The following ST3GAL4 variants were observed in gnomAD, a reference collection of about 807,000 sequenced individuals.
The protein encoded by ST3GAL4 is CMP-N-acetylneuraminate-beta-galactosamide-alpha-2,3-sialyltransferase 4.
Under a neutral mutation model 42.6 loss-of-function variants are expected in ST3GAL4, and 24 were observed. That is an observed-to-expected ratio of 0.56 (90% CI 0.41 to 0.79). The LOEUF is 0.79. ST3GAL4 is among the 30% of genes least tolerant of loss of function. ST3GAL4 has a pLI of 0.00. For missense variants in ST3GAL4, 311 were observed against 430.8 expected (o/e 0.72, Z 2.46); for synonymous variants, 135 against 163.2 (o/e 0.83, Z 1.32).
chr11:126,356,110 T>C (rs1296088969), intron 1 of ST3GAL4: 1 of 152,244 alleles, frequency 6.6e-6, no homozygotes, highest in African/African-American at 2.4e-5. Flanking sequence ...GCGGAAAGTT[T>C]CCGCCCCCAA....
chr11:126,361,857 A>C (rs552328090), intron 1 of ST3GAL4, among the ~76,000 whole-genome samples: 2 of 149,064 alleles, frequency 1.3e-5, no homozygotes, highest in Non-Finnish European at 3.0e-5. Flanking sequence ...TGTAGCCTCC[A>C]TTTCCTTCTC....
At position 126,393,487 on chromosome 11, in the gene ST3GAL4, G is replaced by A. The variant is rs551330672; in HGVS notation, c.-60-12609G>A. ...GGCTCAGGAGGAGGGGGATGGGGAC[G>A]GGGAGAGTGAGGTCTTTTTGACTTT... On this transcript the variant is annotated intron_variant, in intron 1 of 10. Coordinates refer to ENST00000444328, the MANE Select transcript of ST3GAL4 (RefSeq NM_001254757.2). This position sits in a 1 kb window ranked among gnomAD's most constrained non-coding sequence, Gnocchi z 5.9. 4.3e-4 allele frequency among the ~76,000 whole-genome samples: 66 copies of A among 152,306 alleles called. No homozygotes were observed. Among genetic ancestry groups the A allele is most frequent in the Non-Finnish European group, 8.1e-4 (55 of 68,022 alleles).
At chr11:126,357,735 T>A (rs1952117265) in intron 1 of ST3GAL4, among the ~76,000 whole-genome samples, 1 of 152,244 alleles carries the variant, frequency 6.6e-6, no homozygotes, top group Admixed American at 6.5e-5. Context: ...GCTGTCATTC[T>A]GTCCTAACTC....
chr11:126,399,976 T>TTTA (rs1953935007), intron 1 of ST3GAL4, among the ~76,000 whole-genome samples: 1 of 152,150 alleles, frequency 6.6e-6, no homozygotes, highest in Admixed American at 6.5e-5. Flanking sequence ...CTAATCCCGC[T>TTTA]TTATTGCCTG....
rs1402537228 is a variant in ST3GAL4 at position 126,386,854 on chromosome 11, A to G, written c.-60-19242A>G. 1.3e-5 allele frequency among the ~76,000 whole-genome samples: 2 copies of G among 152,106 alleles called. No homozygotes were observed. Among genetic ancestry groups the G allele is most frequent in the African/African-American group, 4.8e-5 (2 of 41,394 alleles). On this transcript the variant is annotated intron_variant, in intron 1 of 10. Coordinates refer to ENST00000444328, the MANE Select transcript of ST3GAL4 (RefSeq NM_001254757.2). This position sits in a 1 kb window ranked among gnomAD's most constrained non-coding sequence, Gnocchi z 4.7. Reference sequence around the variant, plus strand: ...AGCTGCTCTGAATGGTGTTGCTGCTAATCTCTACAGCACTTTCCTGTAAAT... The same window carrying G: ...AGCTGCTCTGAATGGTGTTGCTGCTGATCTCTACAGCACTTTCCTGTAAAT...
Position 126,386,627 on chromosome 11 carries a change from G to A in ST3GAL4, c.-60-19469G>A, listed in dbSNP as rs1953236483. Among the ~76,000 whole-genome samples the A allele has an allele frequency of 6.6e-6, 1 of 152,124 alleles. No homozygotes were observed. On this transcript the variant is annotated intron_variant, in intron 1 of 10. Transcript: ENST00000444328. This position sits in a 1 kb window ranked among gnomAD's most constrained non-coding sequence, Gnocchi z 4.7. ...AAGTGGGTACAGCTGGACAAAAGGT[G>A]GCTGGAGCCAGCTCTGCAGAAGCCA...
intron 1 of ST3GAL4, among the ~76,000 whole-genome samples, chr11:126,399,621 A>G (rs1953922830): frequency 6.6e-6 from 1 of 151,990 alleles, no homozygotes; most frequent in Non-Finnish European, 1.5e-5. Flanking sequence ...TTTTATTTAT[A>G]AGTTTCATCT....
chr11:126,368,720 A>T (rs540502674), intron 1 of ST3GAL4, among the ~76,000 whole-genome samples: 200 of 152,334 alleles, frequency 1.3e-3, no homozygotes, highest in African/African-American at 4.6e-3. Flanking sequence ...GGGAAATGGC[A>T]TGGAGAAAGA....
chr11:126,361,544 A>G (rs1952242832), intron 1 of ST3GAL4, among the ~76,000 whole-genome samples: 1 of 151,936 alleles, frequency 6.6e-6, no homozygotes, highest in Non-Finnish European at 1.5e-5. Flanking sequence ...CTTCAGTATC[A>G]ACTGAAGCCC....
chr11:126,374,239 G>A (rs1952752775), intron 1 of ST3GAL4, among the ~76,000 whole-genome samples: 1 of 151,808 alleles, frequency 6.6e-6, no homozygotes, highest in South Asian at 2.1e-4. Flanking sequence ...ATCACTTGAG[G>A]TCAGGAGTTC....
intron 1 of ST3GAL4, among the ~76,000 whole-genome samples, chr11:126,368,019 G>A (rs1270940081): frequency 3.3e-5 from 5 of 151,848 alleles, no homozygotes; most frequent in African/African-American, 4.8e-5. Context: ...ATAATGGCGC[G>A]CGCCTGTGAT....
At position 126,384,022 on chromosome 11, in the gene ST3GAL4, T is replaced by G. The variant is rs1037786894; in HGVS notation, c.-60-22074T>G. Among the ~76,000 whole-genome samples the G allele has an allele frequency of 5.3e-5, 8 of 152,112 alleles. No individual in the cohort carries two copies. Among genetic ancestry groups the G allele is most frequent in the Admixed American group, 3.3e-4 (5 of 15,274 alleles). ...TCCTCGTCTGGGGGCCCTGCCCCAC[T>G]CTCCCTTCCCAATGCAGGGCCCTCT... On this transcript the variant is annotated intron_variant, in intron 1 of 10. Coordinates refer to ENST00000444328, the MANE Select transcript of ST3GAL4 (RefSeq NM_001254757.2). The surrounding 1 kb of genome is among the most constrained non-coding windows in gnomAD (Gnocchi z 5.5).
rs911283418 is a variant in ST3GAL4 at position 126,373,689 on chromosome 11, G to C, written c.-61+17847G>C. Among the ~76,000 whole-genome samples the C allele has an allele frequency of 1.4e-4, 22 of 152,148 alleles. No individual in the cohort carries two copies. Among genetic ancestry groups the C allele is most frequent in the Non-Finnish European group, 3.1e-4 (21 of 68,028 alleles). On this transcript the variant is annotated intron_variant, in intron 1 of 10. Transcript: ENST00000444328. The surrounding 1 kb of genome is among the most constrained non-coding windows in gnomAD (Gnocchi z 5.5). ...CTTCTTTTGCTGTAGGTGGAAGCCTGTCTGGCTCCTTTCCCTCAAAGGTCA... is the reference window on the plus strand; with the variant it reads ...CTTCTTTTGCTGTAGGTGGAAGCCTCTCTGGCTCCTTTCCCTCAAAGGTCA...
In ST3GAL4 at chr11:126,384,405, G is replaced by A. The variant is rs553260243; in HGVS notation, c.-60-21691G>A. Among the ~76,000 whole-genome samples the A allele has an allele frequency of 1.2e-4, 19 of 152,120 alleles. No individual in the cohort carries two copies. Among genetic ancestry groups the A allele is most frequent in the Admixed American group, 1.2e-3 (18 of 15,278 alleles). ...CTGTGTAGGGACTCCAGGGCTGAACGTTGCCTTTGCTGTCCCTGCTTGGGG... is the reference window on the plus strand; with the variant it reads ...CTGTGTAGGGACTCCAGGGCTGAACATTGCCTTTGCTGTCCCTGCTTGGGG... On this transcript the variant is annotated intron_variant, in intron 1 of 10. Transcript: ENST00000444328. The surrounding 1 kb of genome is among the most constrained non-coding windows in gnomAD (Gnocchi z 5.5).
intron 1 of ST3GAL4, among the ~76,000 whole-genome samples, chr11:126,361,408 A>T (rs1367310891): frequency 1.4e-5 from 2 of 141,964 alleles, no homozygotes; most frequent in African/African-American, 2.7e-5. Context: ...TCCAGTTGTG[A>T]CCCCCCTGTG....
In ST3GAL4 at chr11:126,406,663, C is replaced by T; in HGVS notation, c.101+106C>T. ...TAGTAGGGCAGGAAGGTTCCAAGAG[C>T]CGGCACATGACCTCATCCCTTCAGC... On this transcript the variant is annotated intron_variant, in intron 3 of 10. Transcript: ENST00000444328. This position sits in a 1 kb window ranked among gnomAD's most constrained non-coding sequence, Gnocchi z 5.4. The T allele has an allele frequency of 6.6e-7, 1 of 1,519,350 alleles. No individual in the cohort carries two copies. The highest frequency in any genetic ancestry group is 1.8e-5 in the Admixed American group (1 of 54,674). The allele number at this position is 1,519,350 out of a possible 1,614,324, so 94.1% of individuals were successfully genotyped here. A position where few individuals can be genotyped will look rare whatever the true frequency, so the allele number is the denominator to read the frequency against.
Position 126,406,825 on chromosome 11 carries a change from G to T in ST3GAL4, c.102-118G>T. The T allele has an allele frequency of 3.8e-6, 4 of 1,047,600 alleles. No individual in the cohort carries two copies. The highest frequency in any genetic ancestry group is 5.8e-6 in the Non-Finnish European group (4 of 693,920). The allele number at this position is 1,047,600 out of a possible 1,614,324, so 64.9% of individuals were successfully genotyped here. A position where few individuals can be genotyped will look rare whatever the true frequency, so the allele number is the denominator to read the frequency against. On this transcript the variant is annotated intron_variant, in intron 3 of 10. Coordinates refer to ENST00000444328, the MANE Select transcript of ST3GAL4 (RefSeq NM_001254757.2). This position sits in a 1 kb window ranked among gnomAD's most constrained non-coding sequence, Gnocchi z 5.4. ...GGGTTCCAAGTGGAACTTAACTTGA[G>T]ATGATTCCTCCCCGGCACCTTGGGA...
At position 126,400,743 on chromosome 11, in the gene ST3GAL4, A is replaced by G. The variant is rs1953961883; in HGVS notation, c.-60-5353A>G. On this transcript the variant is annotated intron_variant, in intron 1 of 10. Transcript: ENST00000444328. This position sits in a 1 kb window ranked among gnomAD's most constrained non-coding sequence, Gnocchi z 4.6. Reference sequence around the variant, plus strand: ...GTTGTGGTGAAGAGACCAGTTAGGAAGCCTGTAACTTGGGGTGGGATCTGG... The same window carrying G: ...GTTGTGGTGAAGAGACCAGTTAGGAGGCCTGTAACTTGGGGTGGGATCTGG... 6.6e-6 allele frequency among the ~76,000 whole-genome samples: 1 copy of G among 152,182 alleles called. No individual in the cohort carries two copies. The highest frequency in any genetic ancestry group is 2.4e-5 in the African/African-American group (1 of 41,444).
At chr11:126,374,761 G>A (rs1406245410) in intron 1 of ST3GAL4, among the ~76,000 whole-genome samples, 1 of 152,194 alleles carries the variant, frequency 6.6e-6, no homozygotes, top group Non-Finnish European at 1.5e-5. Flanking sequence ...TGGGGCTGAG[G>A]AGGAGTTTTA....
Sources: gnomAD v4.1 joint callset for allele counts (sites outside exome capture counted in the v4.1 genomes callset) on GRCh38, gnomAD v4.1.1 for gene constraint, Gnocchi (gnomAD v3.1) non-coding constraint, MANE v1.5 for transcripts, NCBI Gene and HGNC (gene_info 2026-07-23, HGNC 2026-07-21) for gene names.